COG6: variants seen among roughly 807,000 people sequenced by gnomAD.
The protein encoded by COG6 is component of oligomeric golgi complex 6.
Under a neutral mutation model 88.8 loss-of-function variants are expected in COG6, and 74 were observed. The ratio of observed to expected loss-of-function variants is 0.83; its 90% CI spans 0.69 to 1.01. The LOEUF is 1.01. Ranked by LOEUF, COG6 falls within the 50% of genes least tolerant of loss-of-function variation. COG6 has a pLI of 0.00. For missense variants in COG6, 800 were observed against 797.9 expected (o/e 1.00, Z -0.03); for synonymous variants, 286 against 278.7 (o/e 1.03, Z -0.26).
chr13:39,667,043 C>T (rs900138939), intron 4 of COG6, among the ~76,000 whole-genome samples: 4 of 152,076 alleles, frequency 2.6e-5, no homozygotes, highest in African/African-American at 9.7e-5. Context: ...AGGTCAGATT[C>T]TCTCACCCTA....
chr13:39,655,781 G>C lies in COG6; in HGVS notation c.55G>C (p.Gly19Arg). 1 of 1,596,556 alleles carries C rather than the reference G, an allele frequency of 6.3e-7. No homozygotes were observed. Among genetic ancestry groups the C allele is most frequent in the Non-Finnish European group, 8.5e-7 (1 of 1,171,872 alleles). ...AGTGTCTGCGACCGGGGCTGCCAAC[G>C]GCCTCAACAATGGGGCAGGCGGGAC... ...VAVSATGAAN[G>R]LNNGAGGTSA... The change falls in exon 1 of 19, where the codon GGC (glycine) becomes CGC (arginine). Residue 19 changes from glycine to arginine, a missense_variant. By Grantham distance (125) the Gly-to-Arg change is moderately radical. Transcript: ENST00000455146.
intron 13 of COG6, among the ~76,000 whole-genome samples, chr13:39,704,161 G>A (rs1877747844): frequency 6.6e-6 from 1 of 152,000 alleles, no homozygotes; most frequent in Non-Finnish European, 1.5e-5. Context: ...TCCCCTAATA[G>A]TAAGTTTCTA....
intron 4 of COG6, among the ~76,000 whole-genome samples, chr13:39,673,804 G>T (rs1381085795): frequency 6.6e-6 from 1 of 151,838 alleles, no homozygotes; most frequent in African/African-American, 2.4e-5. Context: ...GTGAGTATGT[G>T]TGTGTATTGT....
At chr13:39,758,351 T>A (rs1035789586) in intron 18 of COG6, among the ~76,000 whole-genome samples, 1 of 151,688 alleles carries the variant, frequency 6.6e-6, no homozygotes, top group African/African-American at 2.4e-5. Flanking sequence ...AGACCCCATC[T>A]CTGCAAAATA....
chr13:39,677,433 T>C, intron 4 of COG6, 35 bp from the exon 5 acceptor site: 1 of 1,192,030 alleles, frequency 8.4e-7, no homozygotes, highest in South Asian at 1.2e-5. Flanking sequence ...CTGTGTAAGA[T>C]GCTTGATTTT....
At chr13:39,677,628 A>T (rs1435206438) in intron 5 of COG6, 49 bp downstream of exon 5, 1 of 1,112,070 alleles carries the variant, frequency 9.0e-7, no homozygotes, top group East Asian at 2.4e-5. Flanking sequence ...AGTTACAGAT[A>T]TTAGAGAGAA....
At chr13:39,778,431 T>A (rs921301401) in intron 18 of COG6, among the ~76,000 whole-genome samples, 5 of 152,152 alleles carry the variant, frequency 3.3e-5, no homozygotes, top group African/African-American at 1.2e-4. Context: ...TAAAAACACA[T>A]CAGAATTTGC....
At chr13:39,718,882 T>C (rs1186700396) in intron 13 of COG6, among the ~76,000 whole-genome samples, 1 of 152,142 alleles carries the variant, frequency 6.6e-6, no homozygotes, top group Non-Finnish European at 1.5e-5. Context: ...GGAATAGTGC[T>C]GGTCTATAGA....
intron 18 of COG6, among the ~76,000 whole-genome samples, chr13:39,769,747 G>A (rs1368061147): frequency 6.6e-6 from 1 of 152,128 alleles, no homozygotes; most frequent in East Asian, 1.9e-4. Context: ...CCTTCGGTTG[G>A]TGATTAGGTC....
chr13:39,747,195 A>C (rs1245524954), intron 18 of COG6, among the ~76,000 whole-genome samples: 1 of 152,176 alleles, frequency 6.6e-6, no homozygotes, highest in Non-Finnish European at 1.5e-5. Flanking sequence ...TACCATATAG[A>C]ACTGATTAGA....
intron 18 of COG6, among the ~76,000 whole-genome samples, chr13:39,749,056 G>A (rs1180375819): frequency 1.3e-5 from 2 of 152,148 alleles, no homozygotes; most frequent in Admixed American, 6.5e-5. Flanking sequence ...ACATTGACCT[G>A]TGTGACAACT....
intron 18 of COG6, among the ~76,000 whole-genome samples, chr13:39,746,036 G>T (rs1489421632): frequency 6.6e-6 from 1 of 151,800 alleles, no homozygotes; most frequent in South Asian, 2.1e-4. Context: ...TGAACAATGA[G>T]AACACTTGAA....
intron 18 of COG6, among the ~76,000 whole-genome samples, chr13:39,741,525 T>G (rs868210077): frequency 6.6e-6 from 1 of 151,810 alleles, no homozygotes; most frequent in Non-Finnish European, 1.5e-5. Flanking sequence ...AAGATCAAAT[T>G]AATGAAATCA....
chr13:39,699,591 T>A lies in COG6; in HGVS notation c.1257T>A (p.Ser419Arg). The A allele has an allele frequency of 6.5e-7, 1 of 1,527,196 alleles. No individual in the cohort carries two copies. The allele number at this position is 1,527,196 out of a possible 1,614,324, so 94.6% of individuals were successfully genotyped here. The change falls in exon 13 of 19, where the codon AGT becomes AGA. Residue 419 changes from serine to arginine, a missense_variant. Transcript: ENST00000455146. ...AAAAAATATTCTTCAATAGCTTGAGTCTTCATGCAAGTAAATTAATGGACA... is the reference window on the plus strand; with the variant it reads ...AAAAAATATTCTTCAATAGCTTGAGACTTCATGCAAGTAAATTAATGGACA... ...LSKKIFFNSL[S>R]LHASKLMDKV...
chr13:39,673,312 T>C (rs12867068), intron 4 of COG6, among the ~76,000 whole-genome samples: 9,395 of 152,086 alleles, frequency 0.062, 384 homozygotes, highest in Non-Finnish European at 0.095. Flanking sequence ...TATCTATTTG[T>C]TTTAAAATAC....
chr13:39,724,579 C>T lies in COG6; in HGVS notation c.1746+18C>T. ...CTGCAATGGTAAGTGTATAATAAAA[C>T]ATTTTAATTTAGATTTCCTTATGGA... On this transcript the variant is annotated intron_variant, in intron 17 of 18. Transcript: ENST00000455146. 1.3e-6 allele frequency: 2 copies of T among 1,522,380 alleles called. No homozygotes were observed. The highest frequency in any genetic ancestry group is 1.8e-6 in the Non-Finnish European group (2 of 1,112,804). The allele number at this position is 1,522,380 out of a possible 1,614,324, so 94.3% of individuals were successfully genotyped here.
At chr13:39,765,696 C>T (rs933115387) in intron 18 of COG6, among the ~76,000 whole-genome samples, 2 of 151,994 alleles carry the variant, frequency 1.3e-5, no homozygotes, top group African/African-American at 2.4e-5. Flanking sequence ...GGGTAGACAT[C>T]CTGCTTTAAA....
chr13:39,703,208 T>G (rs1229380955), intron 13 of COG6, among the ~76,000 whole-genome samples: 1 of 152,006 alleles, frequency 6.6e-6, no homozygotes, highest in Non-Finnish European at 1.5e-5. Flanking sequence ...TTTCCTCAAA[T>G]CTACCATACT....
intron 18 of COG6, among the ~76,000 whole-genome samples, chr13:39,729,853 A>G (rs913427886): frequency 1.3e-5 from 2 of 152,176 alleles, no homozygotes; most frequent in African/African-American, 4.8e-5. Context: ...CTCTTCTAAA[A>G]TTTTATTTTT....
Sources: gnomAD v4.1 joint callset for allele counts (sites outside exome capture counted in the v4.1 genomes callset) on GRCh38, gnomAD v4.1.1 for gene constraint, MANE v1.5 for transcripts, NCBI Gene and HGNC (gene_info 2026-07-23, HGNC 2026-07-21) for gene names.